USP50: variants seen among roughly 807,000 people sequenced by gnomAD.
USP50 encodes the protein ubiquitin specific peptidase 50.
In USP50, 37 loss-of-function variants were observed where a neutral mutation model predicts 39.2. The ratio of observed to expected loss-of-function variants is 0.94; its 90% confidence interval spans 0.73 to 1.24. The LOEUF (loss-of-function observed/expected upper bound fraction) is 1.24. Ranked by LOEUF, USP50 falls within the 50% of genes most tolerant of loss-of-function variation. USP50 has a pLI of 0.00. For synonymous variants in USP50, 139 were observed against 144.5 expected (o/e 0.96, Z 0.27); for missense variants, 374 against 398.2 (o/e 0.94, Z 0.52).
chr15:50,543,677 G>A lies in USP50; in HGVS notation c.365C>T (p.Ala122Val). 10 of 1,613,400 alleles carry A rather than the reference G, an allele frequency of 6.2e-6. No homozygotes were observed. The highest frequency in any genetic ancestry group is 8.5e-6 in the Non-Finnish European group (10 of 1,179,638). The change falls in exon 3 of 7, where the codon GCA becomes GTA. Residue 122 changes from alanine (A) to valine (V), a missense_variant. Transcript: ENST00000532404. ...ATCTTGTTGCATCTTTTTCGTAAAT[G>A]CTGGGTAGAGGTTGCCAAGAGCTGA... ...FWSALGNLYP[A>V]FTKKMQQDAQ... is the part of the protein sequence containing the mutation.
At chr15:50,539,560 C>T (rs537115961) in intron 4 of USP50, among the ~76,000 whole-genome samples, 8 of 151,876 alleles carry the variant, frequency 5.3e-5, no homozygotes, top group Non-Finnish European at 8.8e-5. Flanking sequence ...AGACTACAGG[C>T]GCGTGCCACC....
chr15:50,498,436 G>A (rs2052496889), downstream of USP50: 3 of 922,926 alleles, frequency 3.3e-6, no homozygotes, highest in Non-Finnish European at 4.6e-6. Context: ...AAATGGAAAT[G>A]AAGCCAAATG....
intron 6 of USP50, chr15:50,512,748 C>G (rs1246645132): frequency 6.6e-6 from 1 of 151,520 alleles, no homozygotes; most frequent in East Asian, 2.0e-4. Flanking sequence ...GCCGAGATCA[C>G]ACCACCGCAC....
intron 6 of USP50, among the ~76,000 whole-genome samples, chr15:50,522,119 T>G (rs979294565): frequency 6.6e-6 from 1 of 151,810 alleles, no homozygotes; most frequent in South Asian, 2.1e-4. Flanking sequence ...AAGACTGAAT[T>G]ATGGAGAAAT....
intron 6 of USP50, chr15:50,505,106 G>A (rs2141343426): frequency 6.6e-6 from 1 of 152,276 alleles, no homozygotes; most frequent in South Asian, 2.1e-4. Flanking sequence ...CGTATGTCCT[G>A]TAGAAGTTCT....
intron 6 of USP50, among the ~76,000 whole-genome samples, chr15:50,518,219 C>CT (rs957017494): frequency 2.3e-5 from 3 of 132,638 alleles, no homozygotes; most frequent in Non-Finnish European, 4.9e-5. Flanking sequence ...CTTTCTTTTT[C>CT]TTTTTTTGTT....
At chr15:50,519,297 GTACAA>G (rs2052828895) in intron 6 of USP50, among the ~76,000 whole-genome samples, 2 of 149,638 alleles carry the variant, frequency 1.3e-5, no homozygotes, top group South Asian at 4.2e-4. Flanking sequence ...AAAAAAATCA[GTACAA>G]TACAATAAAA....
At chr15:50,493,104 G>A (rs770868020), downstream of USP50, 6 of 678,362 alleles carry the variant, frequency 8.8e-6, no homozygotes, top group African/African-American at 5.3e-5. Context: ...CATCTGGTGC[G>A]CTTTTTTGCT....
intron 6 of USP50, chr15:50,513,054 T>A (rs1193813740): frequency 3.9e-5 from 6 of 152,104 alleles, no homozygotes; most frequent in African/African-American, 1.4e-4. Context: ...AAATATTTCA[T>A]ACAATAGGAA....
At chr15:50,515,147 AT>A (rs2052791343) in intron 6 of USP50, among the ~76,000 whole-genome samples, 1 of 151,982 alleles carries the variant, frequency 6.6e-6, no homozygotes, top group Non-Finnish European at 1.5e-5. Context: ...TTCCTGTTCA[AT>A]TCTACCAGAT....
At chr15:50,539,424 ATT>A (rs11336805) in intron 4 of USP50, among the ~76,000 whole-genome samples, 34 of 127,546 alleles carry the variant, frequency 2.7e-4, no homozygotes, top group African/African-American at 8.7e-4. Flanking sequence ...TGATTTTGCA[ATT>A]TTTTTTTTTT....
chr15:50,543,845 C>G, intron 2 of USP50, 52 bp from the exon 3 acceptor site: 1 of 1,524,998 alleles, frequency 6.6e-7, no homozygotes, highest in Non-Finnish European at 9.0e-7. Flanking sequence ...AAAGAAGGCA[C>G]CTAATCACCC....
At chr15:50,525,644 G>GTA (rs2052888249) in intron 6 of USP50, among the ~76,000 whole-genome samples, 8 of 80,984 alleles carry the variant, frequency 9.9e-5, no homozygotes, top group Admixed American at 5.2e-4. Context: ...ATGTATATGT[G>GTA]TATATGTATA....
intron 6 of USP50, chr15:50,507,007 G>A (rs1170460864): frequency 1.4e-5 from 2 of 145,578 alleles, no homozygotes; most frequent in Non-Finnish European, 3.0e-5. Flanking sequence ...TTTAGGCCAA[G>A]TGTGGTGGCT....
At chr15:50,523,345 T>A (rs892463123) in intron 6 of USP50, among the ~76,000 whole-genome samples, 1 of 151,014 alleles carries the variant, frequency 6.6e-6, no homozygotes, top group African/African-American at 2.4e-5. Flanking sequence ...ATTTTTTTTT[T>A]AATTTTATGT....
At chr15:50,544,068 C>T (rs770859933) in intron 2 of USP50, 3 of 417,480 alleles carry the variant, frequency 7.2e-6, no homozygotes, top group Non-Finnish European at 8.9e-6. Context: ...TGGCTCACAC[C>T]TGTAATGCCA....
intron 6 of USP50, among the ~76,000 whole-genome samples, chr15:50,525,715 G>GTATATGTATA (rs1208885053): frequency 0.049 from 3,997 of 81,042 alleles, 520 homozygotes; most frequent in African/African-American, 0.16. Flanking sequence ...ATGTATATAT[G>GTATATGTATA]TATATGTATA....
At chr15:50,527,205 C>CT (rs1182517400) in intron 6 of USP50, among the ~76,000 whole-genome samples, 2 of 151,854 alleles carry the variant, frequency 1.3e-5, no homozygotes, top group African/African-American at 2.4e-5. Flanking sequence ...GCCTGAGATT[C>CT]TTTTTTTTCT....
chr15:50,493,739 C>T, downstream of USP50: 1 of 397,058 alleles, frequency 2.5e-6, no homozygotes. Context: ...CAGAATGAGA[C>T]CCTATCTCAA....
Sources: allele counts gnomAD v4.1 joint callset (sites outside exome capture counted in the v4.1 genomes callset), GRCh38; gene constraint gnomAD v4.1.1; transcripts MANE v1.5; gene names NCBI Gene and HGNC (gene_info 2026-07-23, HGNC 2026-07-21).